Variants in CACNA1C observed in about 807,000 individuals in gnomAD.
CACNA1C encodes calcium voltage-gated channel subunit alpha1 C, also known as voltage-dependent L-type calcium channel subunit alpha-1C.
Under a neutral mutation model 229.0 loss-of-function variants are expected in CACNA1C, and 30 were observed. That is an observed-to-expected ratio of 0.13 (90% CI 0.10 to 0.18). The LOEUF (loss-of-function observed/expected upper bound fraction) is 0.18. Among genes scored for constraint, CACNA1C ranks in the 10% least tolerant of loss-of-function variants. The pLI is 1.00. For missense variants in CACNA1C, 1,658 were observed against 2,845.0 expected, an observed-to-expected ratio of 0.58 and a Z score of 9.49; for synonymous variants, 1,114 against 1,132.5, an observed-to-expected ratio of 0.98 and a Z score of 0.33.
At chr12:1,990,173 C>A (rs2038995250) in intron 1 of CACNA1C, among the ~76,000 whole-genome samples, 1 of 152,094 alleles carries the variant, frequency 6.6e-6, no homozygotes, top group African/African-American at 2.4e-5. Context: ...CCTTAGTATT[C>A]TCATTTATAA....
chr12:2,204,792 G>C (rs1236263258), intron 3 of CACNA1C, among the ~76,000 whole-genome samples: 1 of 118,440 alleles, frequency 8.4e-6, no homozygotes, highest in Non-Finnish European at 1.8e-5. Context: ...GGGGACTGTG[G>C]TGGGGTTGGG....
chr12:2,496,899 T>C (rs539076391), intron 7 of CACNA1C, among the ~76,000 whole-genome samples: 27 of 152,290 alleles, frequency 1.8e-4, no homozygotes, highest in African/African-American at 6.3e-4. Flanking sequence ...TCCTTTACTC[T>C]CAGAATGTCC....
intron 1 of CACNA1C, among the ~76,000 whole-genome samples, chr12:2,002,797 T>C (rs1292657207): frequency 6.6e-6 from 1 of 152,152 alleles, no homozygotes. Flanking sequence ...AGCAGCAAAA[T>C]AGCCATATGT....
chr12:2,507,480 T>C (rs2099774330), intron 8 of CACNA1C, among the ~76,000 whole-genome samples: 1 of 152,196 alleles, frequency 6.6e-6, no homozygotes, highest in Non-Finnish European at 1.5e-5. Flanking sequence ...GACCGTAGAA[T>C]AGTCACACAC....
At chr12:2,087,355 G>A (rs1485232088) in intron 1 of CACNA1C, among the ~76,000 whole-genome samples, 1 of 152,178 alleles carries the variant, frequency 6.6e-6, no homozygotes, top group African/African-American at 2.4e-5. Context: ...TCCTTCCTAT[G>A]AGTACAGAGT....
Position 2,449,660 on chromosome 12 carries a change from C to T in CACNA1C, c.617+545C>T, listed in dbSNP as rs137911427. ...GACCCAAGAGCACCCCTCTCCACCA[C>T]TCCCACACAGCATGCACACACGGTT... On this transcript the variant is annotated intron_variant, in intron 4 of 46. Coordinates refer to ENST00000399655, the MANE Select transcript of CACNA1C (RefSeq NM_000719.7). Among the ~76,000 whole-genome samples, 6 of 152,376 alleles carry T rather than the reference C, an allele frequency of 3.9e-5. 1 individual carries two copies. The highest frequency in any genetic ancestry group is 1.2e-4 in the African/African-American group (5 of 41,588).
At chr12:2,194,361 C>T (rs554636120) in intron 3 of CACNA1C, among the ~76,000 whole-genome samples, 1 of 151,356 alleles carries the variant, frequency 6.6e-6, no homozygotes, top group African/African-American at 2.4e-5. Flanking sequence ...CCTCCTCCTC[C>T]CTGCTCTTCC....
At chr12:2,262,821 C>T (rs2080843994) in intron 3 of CACNA1C, among the ~76,000 whole-genome samples, 1 of 152,146 alleles carries the variant, frequency 6.6e-6, no homozygotes, top group African/African-American at 2.4e-5. Flanking sequence ...TATCTGAATG[C>T]CCACAGTGGG....
chr12:2,643,450 C>A (rs2093973920), intron 30 of CACNA1C, among the ~76,000 whole-genome samples: 1 of 152,214 alleles, frequency 6.6e-6, no homozygotes, highest in Admixed American at 6.5e-5. Flanking sequence ...CATTCATTTG[C>A]TCTTCTGTCT....
chr12:2,548,710 A>G (rs2099888130), intron 9 of CACNA1C, among the ~76,000 whole-genome samples: 1 of 152,162 alleles, frequency 6.6e-6, no homozygotes, highest in Non-Finnish European at 1.5e-5. Flanking sequence ...CTTCTCACCA[A>G]CCTGGCTTGT....
chr12:2,475,572 A>G (rs936206864), intron 5 of CACNA1C, among the ~76,000 whole-genome samples: 6 of 152,376 alleles, frequency 3.9e-5, no homozygotes, highest in South Asian at 4.1e-4. Context: ...GAAGAATACA[A>G]TCACTGAAAT....
chr12:2,147,016 A>AC (rs1254353390), intron 3 of CACNA1C, among the ~76,000 whole-genome samples: 2 of 150,148 alleles, frequency 1.3e-5, no homozygotes, highest in Non-Finnish European at 3.0e-5. Flanking sequence ...GAGCTCTCCA[A>AC]CCCCCCCAAT....
chr12:2,017,658 C>CGG (rs2045621720), intron 1 of CACNA1C, among the ~76,000 whole-genome samples: 1 of 126,492 alleles, frequency 7.9e-6, no homozygotes, highest in Non-Finnish European at 1.7e-5. Context: ...TATCTTTTTT[C>CGG]TGTTTTTTTT....
chr12:2,055,243 G>A (rs1366692088), intron 1 of CACNA1C, among the ~76,000 whole-genome samples: 1 of 152,168 alleles, frequency 6.6e-6, no homozygotes, highest in African/African-American at 2.4e-5. Context: ...AGGAGGGAAG[G>A]AGTGAGACAC....
intron 8 of CACNA1C, among the ~76,000 whole-genome samples, chr12:2,506,246 TAG>T (rs1326509824): frequency 2.0e-5 from 3 of 152,176 alleles, no homozygotes; most frequent in Non-Finnish European, 4.4e-5. Flanking sequence ...GCCTGGAAGG[TAG>T]AGAGGTTTTC....
chr12:2,290,322 T>C (rs1199763901), intron 3 of CACNA1C, among the ~76,000 whole-genome samples: 1 of 152,182 alleles, frequency 6.6e-6, no homozygotes, highest in East Asian at 1.9e-4. Flanking sequence ...GCTGGGGCAC[T>C]GTCCTCTGGG....
intron 3 of CACNA1C, among the ~76,000 whole-genome samples, chr12:2,331,830 T>A (rs2096558256): frequency 8.2e-6 from 1 of 121,930 alleles, no homozygotes; most frequent in African/African-American, 5.9e-5. Context: ...TTGTTCTTTT[T>A]AAAAAGGTCA....
At chr12:2,588,868 C>G (rs2063793726) in intron 18 of CACNA1C, among the ~76,000 whole-genome samples, 1 of 151,952 alleles carries the variant, frequency 6.6e-6, no homozygotes, top group Admixed American at 6.5e-5. Context: ...CAGGTACACA[C>G]TAAAAAAAAA....
chr12:2,495,732 G>A, intron 7 of CACNA1C, among the ~76,000 whole-genome samples: 1 of 152,178 alleles, frequency 6.6e-6, no homozygotes, highest in Non-Finnish European at 1.5e-5. Flanking sequence ...CAGGCTCATG[G>A]GACATGCCTC....
Sources: gnomAD v4.1 joint callset for allele counts (sites outside exome capture counted in the v4.1 genomes callset) on GRCh38, gnomAD v4.1.1 for gene constraint, MANE v1.5 for transcripts, NCBI Gene and HGNC (gene_info 2026-07-23, HGNC 2026-07-21) for gene names.